The following CCDC74B variants were observed in gnomAD, a reference collection of about 807,000 sequenced individuals.
CCDC74B encodes the protein coiled-coil domain-containing protein 74B.
A neutral mutation model predicts 38.0 loss-of-function variants in CCDC74B; 34 were observed. The observed-to-expected ratio is 0.89, with a 90% confidence interval of 0.68 to 1.19. CCDC74B has a LOEUF of 1.19. Among genes scored for constraint, CCDC74B ranks in the 50% most tolerant of loss-of-function variants. The probability of loss-of-function intolerance (pLI) is 0.00; values close to 1 mark genes in which losing one functional copy is unlikely to be tolerated. For synonymous variants in CCDC74B, 132 were observed against 170.4 expected (o/e 0.77, Z 1.76); for missense variants, 358 against 406.0 (o/e 0.88, Z 1.02).
At chr2:130,144,367 C>T (rs1392268992) in intron 1 of CCDC74B, 1 of 925,850 alleles carries the variant, frequency 1.1e-6, no homozygotes, top group Non-Finnish European at 1.7e-6. Flanking sequence ...TCTCGATCTC[C>T]TGACCTCGCG....
At position 130,141,274 on chromosome 2, in the gene CCDC74B, G is replaced by A; in HGVS notation, c.369C>T (p.Gly123=). 6.2e-7 allele frequency: 1 copy of A among 1,608,808 alleles called. No individual in the cohort carries two copies. The highest frequency in any genetic ancestry group is 8.5e-7 in the Non-Finnish European group (1 of 1,176,524). ...CTTTTGAATCTTGCTTGTTGAAGGA[G>A]CCGGGCTGGGGCCTGGCCTTGCCTT... ...SNSGKARPQP[G]SFNKQDSKAD... Residue 123 remains glycine, a synonymous_variant, in exon 4 of 8, where the codon GGC becomes GGT. Coordinates refer to ENST00000409943, the MANE Select transcript of CCDC74B (RefSeq NM_001258307.2).
chr2:130,144,304 T>A (rs1685883925), intron 1 of CCDC74B: 1 of 503,632 alleles, frequency 2.0e-6, no homozygotes, highest in Non-Finnish European at 3.7e-6. Context: ...CACACCCAGC[T>A]AACTTTTTGT....
intron 1 of CCDC74B, 26 bp from the exon 2 acceptor site, chr2:130,143,339 A>T: frequency 6.2e-7 from 1 of 1,613,972 alleles, no homozygotes; most frequent in Non-Finnish European, 8.5e-7. Context: ...CGCTCTCCTC[A>T]GCACTTGTGA....
chr2:130,143,004 G>C, intron 2 of CCDC74B: 1 of 1,498,070 alleles, frequency 6.7e-7, no homozygotes, highest in Non-Finnish European at 8.9e-7. Flanking sequence ...TTGGAGGAGG[G>C]AGGTCTGGGG....
chr2:130,144,171 G>C (rs1374304379), intron 1 of CCDC74B, among the ~76,000 whole-genome samples: 1 of 152,118 alleles, frequency 6.6e-6, no homozygotes, highest in Non-Finnish European at 1.5e-5. Context: ...ACGGAGTCTC[G>C]CTCTGTCACC....
chr2:130,144,131 TTTTG>T lies in CCDC74B; in HGVS notation c.250+612_250+615del, dbSNP rs529470330. The stretch of plus-strand genomic sequence containing the variant: ...TTGGGCACGTTTCCCTGCATAAAGT[TTTTG>T]TTTGTTTGTTTTTGTTTTTTTTGAG... On this transcript the variant is annotated intron_variant, in intron 1 of 7. Coordinates refer to ENST00000409943, the MANE Select transcript of CCDC74B (RefSeq NM_001258307.2). 1.1e-3 allele frequency among the ~76,000 whole-genome samples: 173 copies of T among 152,152 alleles called. No individual in the cohort carries two copies. The South Asian group carries it at 0.024, about 21-fold the overall frequency.
At position 130,143,963 on chromosome 2, in the gene CCDC74B, C is replaced by T. The variant is rs1234500667; in HGVS notation, c.251-650G>A. The stretch of plus-strand genomic sequence containing the variant: ...GAAAGGGGGGCGTGGGGGTGAGGAG[C>T]AGCTAAGGGTGCAGTTGGGAAGGCC... On this transcript the variant is annotated intron_variant, in intron 1 of 7. Transcript: ENST00000409943. Among the ~76,000 whole-genome samples, 7 of 140,544 alleles carry T rather than the reference C, an allele frequency of 5.0e-5. No individual in the cohort carries two copies. In the Admixed American group the frequency reaches 5.4e-4, roughly 11 times the overall value. 92.2% of individuals were successfully genotyped at this position (140,544 alleles called of 152,430 possible).
chr2:130,142,709 A>T, intron 2 of CCDC74B: 2 of 1,546,914 alleles, frequency 1.3e-6, no homozygotes, highest in Non-Finnish European at 1.7e-6. Flanking sequence ...CGAGACCACA[A>T]CCCAGAATCC....
chr2:130,143,325 C>T lies in CCDC74B; in HGVS notation c.251-12G>A. On this transcript the variant is annotated splice_polypyrimidine_tract_variant and intron_variant, in intron 1 of 7. Coordinates refer to ENST00000409943, the MANE Select transcript of CCDC74B (RefSeq NM_001258307.2). ...CTTGTAACGGAGATCTGAAAGCAAG[C>T]ACACGCTCTCCTCAGCACTTGTGAA... 1 of 1,613,998 alleles carries T rather than the reference C, an allele frequency of 6.2e-7. No individual in the cohort carries two copies. The highest frequency in any genetic ancestry group is 1.3e-5 in the African/African-American group (1 of 75,060).
At chr2:130,140,746 G>T (rs1422462767) in intron 4 of CCDC74B, 55 of 368,982 alleles carry the variant, frequency 1.5e-4, no homozygotes, top group Non-Finnish European at 2.4e-4. Flanking sequence ...TCTCAGGGCA[G>T]TCCCGCAAAC....
chr2:130,142,246 C>G, intron 2 of CCDC74B, 63 bp from the exon 3 acceptor site: 1 of 1,576,080 alleles, frequency 6.3e-7, no homozygotes, highest in Non-Finnish European at 8.6e-7. Flanking sequence ...GCCTCCTGGC[C>G]TGTGTGTCCG....
chr2:130,143,188 C>T, intron 2 of CCDC74B, 81 bp downstream of exon 2: 1 of 1,564,058 alleles, frequency 6.4e-7, no homozygotes, highest in Non-Finnish European at 8.7e-7. Flanking sequence ...GCCAGTGCAG[C>T]CAGGTGGGCA....
intron 1 of CCDC74B, among the ~76,000 whole-genome samples, chr2:130,143,900 C>G (rs10202355): frequency 1.4e-5 from 2 of 144,266 alleles, no homozygotes; most frequent in Non-Finnish European, 3.0e-5. Flanking sequence ...GGGCCCTCCT[C>G]CTGCTCGGGG....
In CCDC74B at chr2:130,139,908, C is replaced by G; in HGVS notation, c.792G>C (p.Lys264Asn). The stretch of plus-strand genomic sequence containing the variant: ...GGACTTACCATTTCTTGGAGAGGCT[C>G]TTGGTGGAGACCTTGGGGAAATGCG... Reference protein sequence around the residue: ...EATHFPKVSTKSLSKKCLLLS... With the variant: ...EATHFPKVSTNSLSKKCLLLS... Residue 264 changes from lysine to asparagine, a missense_variant, in exon 7 of 8, where the codon AAG (lysine) becomes AAC (asparagine). Lys to Asn is a moderately conservative substitution (Grantham distance 94). This residue lies in a region of CCDC74B where 213 missense variants were observed against 212.3 expected (regional missense o/e 1.00). Transcript: ENST00000409943. 1 of 1,612,476 alleles carries G rather than the reference C, an allele frequency of 6.2e-7. No homozygotes were observed.
chr2:130,144,720 C>T (rs369597873), intron 1 of CCDC74B, 27 bp downstream of exon 1: 90 of 1,608,112 alleles, frequency 5.6e-5, no homozygotes, highest in Middle Eastern at 3.4e-4. Context: ...GGAGGCAGGG[C>T]CGGCCTAGGG....
Position 130,140,044 on chromosome 2 carries a change from G to T in CCDC74B, c.731C>A (p.Pro244Gln). The T allele has an allele frequency of 1.9e-6, 3 of 1,608,322 alleles. No individual in the cohort carries two copies. Among genetic ancestry groups the T allele is most frequent in the Non-Finnish European group, 2.5e-6 (3 of 1,177,880 alleles). Residue 244 changes from proline to glutamine, a missense_variant, in exon 6 of 8, where the codon CCG becomes CAG. Physicochemically the swap from Pro to Gln is moderately conservative, Grantham distance 76. Around this residue, in one of 3 missense-constraint regions of CCDC74B, gnomAD observed 213 missense variants for 212.3 expected, o/e 1.00. Coordinates refer to ENST00000409943, the MANE Select transcript of CCDC74B (RefSeq NM_001258307.2). ...TCACCTGGGAAAGCTAGCTTCCTCC[G>T]GGACTGCCTGGGGCCTCTGGCTCCC... ...LEGSQRPQAVPEEASFPRDQE... is the reference protein window; with the variant it reads ...LEGSQRPQAVQEEASFPRDQE...
At chr2:130,143,002 G>A in intron 2 of CCDC74B, 1 of 1,497,718 alleles carries the variant, frequency 6.7e-7, no homozygotes, top group Non-Finnish European at 8.9e-7. Context: ...ACTTGGAGGA[G>A]GGAGGTCTGG....
chr2:130,144,807 G>A lies in CCDC74B; in HGVS notation c.190C>T (p.His64Tyr). The A allele has an allele frequency of 6.2e-7, 1 of 1,613,494 alleles. No homozygotes were observed. The highest frequency in any genetic ancestry group is 1.7e-5 in the Admixed American group (1 of 60,018). The change falls in exon 1 of 8, where the codon CAC becomes TAC. Residue 64 changes from histidine (H) to tyrosine (Y), a missense_variant. Physicochemically the swap from His to Tyr is moderately conservative, Grantham distance 83. Around this residue, in one of 3 missense-constraint regions of CCDC74B, gnomAD observed 128 missense variants for 146.7 expected, o/e 0.87. Transcript: ENST00000409943. ...TGGAGCTTGGCCAGCATCTCCGAGT[G>A]CTGCTGCTGCAGGAACTGTAGGCTC... ...EKSLQFLQQQ[H>Y]SEMLAKLHEE...
chr2:130,142,540 C>G, intron 2 of CCDC74B: 1 of 1,552,412 alleles, frequency 6.4e-7, no homozygotes, highest in Non-Finnish European at 8.7e-7. Flanking sequence ...GCCACAGCGG[C>G]TAGGGAAGGG....
Sources: allele counts gnomAD v4.1 joint callset (sites outside exome capture counted in the v4.1 genomes callset), GRCh38; gene constraint gnomAD v4.1.1; regional missense constraint gnomAD v4.1.1; transcripts MANE v1.5; gene names NCBI Gene and HGNC (gene_info 2026-07-23, HGNC 2026-07-21).